CTNNA3: variants seen among roughly 807,000 people sequenced by gnomAD.
CTNNA3 encodes catenin alpha 3, also known as catenin alpha-3.
In CTNNA3, 76 loss-of-function variants were observed where a neutral mutation model predicts 95.7. That is an observed-to-expected ratio of 0.79 (90% CI 0.66 to 0.96). The LOEUF (loss-of-function observed/expected upper bound fraction) is 0.96. Ranked by LOEUF, CTNNA3 falls within the 40% of genes least tolerant of loss-of-function variation. CTNNA3 has a pLI of 0.00. For synonymous variants in CTNNA3, 431 were observed against 374.4 expected, an observed-to-expected ratio of 1.15 and a Z score of -1.74; for missense variants, 1,191 against 1,089.8, an observed-to-expected ratio of 1.09 and a Z score of -1.31.
chr10:67,159,519 C>T (rs1261550653), intron 7 of CTNNA3, among the ~76,000 whole-genome samples: 1 of 152,144 alleles, frequency 6.6e-6, no homozygotes, highest in Non-Finnish European at 1.5e-5. Context: ...AATGAAACCA[C>T]ATGTTATTTA....
At chr10:66,080,118 C>T (rs897067778) in intron 14 of CTNNA3, among the ~76,000 whole-genome samples, 1 of 152,042 alleles carries the variant, frequency 6.6e-6, no homozygotes, top group African/African-American at 2.4e-5. Flanking sequence ...AGTCATGCTT[C>T]TTCTCATACA....
intron 4 of CTNNA3, among the ~76,000 whole-genome samples, chr10:67,535,341 A>G (rs1367189537): frequency 6.6e-6 from 1 of 152,154 alleles, no homozygotes; most frequent in Non-Finnish European, 1.5e-5. Flanking sequence ...TAAATTTGAA[A>G]ATGATATCAG....
intron 13 of CTNNA3, among the ~76,000 whole-genome samples, chr10:66,266,262 G>A (rs556891922): frequency 2.0e-5 from 3 of 151,926 alleles, no homozygotes; most frequent in Non-Finnish European, 4.4e-5. Flanking sequence ...GCATCAAAGG[G>A]AGAAACCCAG....
intron 12 of CTNNA3, among the ~76,000 whole-genome samples, chr10:66,330,469 A>G (rs966959671): frequency 2.0e-5 from 3 of 151,980 alleles, no homozygotes; most frequent in Non-Finnish European, 4.4e-5. Flanking sequence ...CCAGTCTATC[A>G]TTGTTGGACA....
chr10:66,582,702 C>A (rs146753372), intron 10 of CTNNA3, among the ~76,000 whole-genome samples: 2 of 151,690 alleles, frequency 1.3e-5, no homozygotes. Flanking sequence ...AAGTCAGCAT[C>A]CTTGTCTTAT....
chr10:67,243,750 C>A (rs1294594417), intron 5 of CTNNA3, among the ~76,000 whole-genome samples: 2 of 152,208 alleles, frequency 1.3e-5, no homozygotes, highest in Non-Finnish European at 2.9e-5. Context: ...AATGACTATT[C>A]ATCTTTTAAG....
chr10:67,713,832 G>A (rs763139036), intron 1 of CTNNA3, among the ~76,000 whole-genome samples: 2 of 151,844 alleles, frequency 1.3e-5, no homozygotes, highest in South Asian at 2.1e-4. Context: ...AATACCTAAC[G>A]CATGAGGGAC....
At chr10:66,973,280 G>T (rs1184175282) in intron 7 of CTNNA3, among the ~76,000 whole-genome samples, 2 of 152,006 alleles carry the variant, frequency 1.3e-5, no homozygotes, top group African/African-American at 4.8e-5. Flanking sequence ...TTTTGAAAAA[G>T]AAAATTGACA....
At chr10:66,857,803 G>T (rs10822933) in intron 7 of CTNNA3, among the ~76,000 whole-genome samples, 2 of 151,732 alleles carry the variant, frequency 1.3e-5, no homozygotes, top group African/African-American at 4.8e-5. Context: ...GAAGCTTCTG[G>T]GAAGACACTG....
intron 5 of CTNNA3, among the ~76,000 whole-genome samples, chr10:67,318,895 C>A (rs1272526554): frequency 6.6e-6 from 1 of 152,204 alleles, no homozygotes; most frequent in Non-Finnish European, 1.5e-5. Flanking sequence ...CTAACTGCTA[C>A]CCTTCAAAAG....
In CTNNA3 at chr10:66,301,462, A is replaced by T. The variant is rs1466355027; in HGVS notation, c.1733-20841T>A. 3.3e-5 allele frequency among the ~76,000 whole-genome samples: 5 copies of T among 151,926 alleles called. No individual in the cohort carries two copies. In the East Asian group the frequency reaches 9.6e-4, roughly 29 times the overall value. ...ACTAATTGAATTATGTATAAAAGGA[A>T]TTATATACTAATTCTTTTAGTATAT... On this transcript the variant is annotated intron_variant, in intron 12 of 17. Coordinates refer to ENST00000433211, the MANE Select transcript of CTNNA3 (RefSeq NM_013266.4).
At chr10:67,259,264 T>C (rs1181262316) in intron 5 of CTNNA3, among the ~76,000 whole-genome samples, 1 of 152,194 alleles carries the variant, frequency 6.6e-6, no homozygotes, top group Admixed American at 6.5e-5. Flanking sequence ...ATAATCACTC[T>C]TTAAGTGTAT....
At chr10:66,435,071 A>T (rs1398947543) in intron 11 of CTNNA3, among the ~76,000 whole-genome samples, 1 of 152,118 alleles carries the variant, frequency 6.6e-6, no homozygotes, top group Non-Finnish European at 1.5e-5. Flanking sequence ...GAATTTTCAC[A>T]TCGATGTTCA....
At chr10:66,596,949 A>G (rs1385226591) in intron 10 of CTNNA3, among the ~76,000 whole-genome samples, 1 of 152,164 alleles carries the variant, frequency 6.6e-6, no homozygotes, top group Admixed American at 6.5e-5. Context: ...AGAAAACAAT[A>G]CATGAACAAA....
intron 7 of CTNNA3, among the ~76,000 whole-genome samples, chr10:66,889,940 G>C (rs1375159159): frequency 6.6e-6 from 1 of 151,878 alleles, no homozygotes; most frequent in East Asian, 1.9e-4. Flanking sequence ...ACAGGCTCAC[G>C]CCACCACGCC....
intron 13 of CTNNA3, among the ~76,000 whole-genome samples, chr10:66,237,672 A>C (rs1044406309): frequency 2.0e-5 from 3 of 152,134 alleles, no homozygotes; most frequent in Admixed American, 1.3e-4. Context: ...ACTGAGTTCC[A>C]ACCATAAAAA....
At chr10:67,566,076 A>C (rs1480362612) in intron 3 of CTNNA3, among the ~76,000 whole-genome samples, 4 of 26,896 alleles carry the variant, frequency 1.5e-4, no homozygotes, top group Admixed American at 4.5e-4. Flanking sequence ...TATATATACA[A>C]AACCTAGGCA....
Position 67,314,764 on chromosome 10 carries a change from TTTA to T in CTNNA3, c.580-94897_580-94895del, listed in dbSNP as rs1035038368. Among the ~76,000 whole-genome samples, 25 of 152,204 alleles carry T rather than the reference TTTA, an allele frequency of 1.6e-4. 1 individual carries two copies. Among genetic ancestry groups the T allele is most frequent in the African/African-American group, 6.0e-4 (25 of 41,446 alleles). ...ATGGATAAAATTGCTAATGTCCAAA[TTTA>T]TTGTTAGAGTTGACTATCATTTATT... On this transcript the variant is annotated intron_variant, in intron 5 of 17. Transcript: ENST00000433211.
chr10:66,570,138 C>T (rs188098800), intron 10 of CTNNA3, among the ~76,000 whole-genome samples: 102 of 152,170 alleles, frequency 6.7e-4, no homozygotes, highest in African/African-American at 2.4e-3. Context: ...CCAATGGACC[C>T]TTTTAGGGAT....
Sources: gnomAD v4.1 joint callset for allele counts (sites outside exome capture counted in the v4.1 genomes callset) on GRCh38, gnomAD v4.1.1 for gene constraint, MANE v1.5 for transcripts, NCBI Gene and HGNC (gene_info 2026-07-23, HGNC 2026-07-21) for gene names.